Variants in UGGT2 observed in about 807,000 individuals in gnomAD.
The protein encoded by UGGT2 is UDP-glucose glycoprotein glucosyltransferase 2.
In UGGT2, 180 loss-of-function variants were observed where a neutral mutation model predicts 192.1. The ratio of observed to expected loss-of-function variants is 0.94; its 90% confidence interval spans 0.83 to 1.06. UGGT2 has a LOEUF of 1.06. Among genes scored for constraint, UGGT2 ranks in the 50% least tolerant of loss-of-function variants. UGGT2 has a pLI of 0.00. For missense variants in UGGT2, 1,849 were observed against 1,795.7 expected, an observed-to-expected ratio of 1.03 and a Z score of -0.54; for synonymous variants, 580 against 591.0, an observed-to-expected ratio of 0.98 and a Z score of 0.27.
chr13:95,875,465 T>G (rs953843013), intron 29 of UGGT2, among the ~76,000 whole-genome samples: 1 of 152,216 alleles, frequency 6.6e-6, no homozygotes, highest in African/African-American at 2.4e-5. Context: ...AAATGATGTT[T>G]AATAAAGGGC....
intron 29 of UGGT2, chr13:95,877,077 T>G: frequency 2.4e-6 from 1 of 421,478 alleles, no homozygotes; most frequent in Non-Finnish European, 4.2e-6. Context: ...ACAGATGGGG[T>G]TTTGCCATGT....
chr13:95,835,939 CTT>C (rs1340527148), intron 37 of UGGT2, among the ~76,000 whole-genome samples: 9 of 152,226 alleles, frequency 5.9e-5, no homozygotes, highest in Admixed American at 5.2e-4. Flanking sequence ...ACAAAATTGT[CTT>C]GTTTGCCTTT....
intron 36 of UGGT2, among the ~76,000 whole-genome samples, chr13:95,841,056 T>A (rs1217722534): frequency 6.6e-6 from 1 of 151,716 alleles, no homozygotes; most frequent in Non-Finnish European, 1.5e-5. Context: ...ATTGGAGGGC[T>A]GGGGGAAGCG....
chr13:95,980,494 G>A (rs1309435740), intron 10 of UGGT2, among the ~76,000 whole-genome samples: 1 of 151,956 alleles, frequency 6.6e-6, no homozygotes, highest in Non-Finnish European at 1.5e-5. Flanking sequence ...CTACACATTG[G>A]GTACCAGGTA....
At chr13:95,913,282 A>G (rs570476302) in intron 20 of UGGT2, among the ~76,000 whole-genome samples, 2 of 152,388 alleles carry the variant, frequency 1.3e-5, no homozygotes, top group South Asian at 2.1e-4. Context: ...AAAAGAAACT[A>G]TCATCAGAGT....
intron 20 of UGGT2, among the ~76,000 whole-genome samples, chr13:95,911,137 A>G (rs1406098511): frequency 6.6e-6 from 1 of 152,242 alleles, no homozygotes; most frequent in Admixed American, 6.5e-5. Flanking sequence ...AGAAAGCAGG[A>G]AAGATCTAAA....
intron 1 of UGGT2, among the ~76,000 whole-genome samples, chr13:96,046,871 C>T (rs1255335552): frequency 6.6e-6 from 1 of 152,182 alleles, no homozygotes; most frequent in Non-Finnish European, 1.5e-5. Flanking sequence ...TCCCTCATTG[C>T]TAGCACAGCA....
Position 96,053,208 on chromosome 13 carries a change from C to T in UGGT2, c.105G>A (p.Val35=), listed in dbSNP as rs1349316278. The part of the protein sequence containing the change: ...GSGTVAASKS[V]TAHLAAKWPE... ...GCCACTTCGCGGCCAAGTGGGCAGT[C>T]ACCGACTTGGACGCGGCGACCGTCC... Residue 35 remains valine (V), a synonymous_variant, in exon 1 of 39, where the codon GTG becomes GTA. Transcript: ENST00000376747. 2 of 1,533,496 alleles carry T rather than the reference C, an allele frequency of 1.3e-6. No homozygotes were observed. The highest frequency in any genetic ancestry group is 2.5e-5 in the East Asian group (1 of 40,232). 95.0% of individuals were successfully genotyped at this position (1,533,496 alleles called of 1,614,324 possible).
At chr13:95,902,700 A>G (rs963524360) in intron 21 of UGGT2, among the ~76,000 whole-genome samples, 154 bp downstream of exon 21, 12 of 152,146 alleles carry the variant, frequency 7.9e-5, no homozygotes, top group African/African-American at 2.9e-4. Flanking sequence ...GAGTCATATC[A>G]TTTAATGTTT....
chr13:95,927,466 CTTTCTTTTT>C (rs1450296126), intron 17 of UGGT2, 130 bp from the exon 18 acceptor site: 71 of 590,586 alleles, frequency 1.2e-4, no homozygotes, highest in Middle Eastern at 1.0e-3. Flanking sequence ...AATACATTTT[CTTTCTTTTT>C]TTTTTTTTTT....
chr13:96,013,482 C>A lies in UGGT2; in HGVS notation c.486-1G>T. 1.3e-6 allele frequency: 2 copies of A among 1,507,346 alleles called. No homozygotes were observed. The highest frequency in any genetic ancestry group is 2.4e-5 in the Admixed American group (1 of 41,556). The allele number at this position is 1,507,346 out of a possible 1,614,324, so 93.4% of individuals were successfully genotyped here. A position where few individuals can be genotyped will look rare whatever the true frequency, so the allele number is the denominator to read the frequency against. On this transcript the variant is annotated splice_acceptor_variant, in intron 4 of 38. Coordinates refer to ENST00000376747, the MANE Select transcript of UGGT2 (RefSeq NM_020121.4). LOFTEE classifies it high-confidence loss of function. ...TCCTTTAAATAGATAAGGTCTAGTC[C>A]TAAGATAAAAGCAAAACACAAAGTT...
chr13:95,832,085 G>A (rs960985582), intron 38 of UGGT2, among the ~76,000 whole-genome samples: 4 of 146,878 alleles, frequency 2.7e-5, no homozygotes, highest in Non-Finnish European at 4.5e-5. Flanking sequence ...ACAATTTCAC[G>A]TTTATATGAG....
intron 30 of UGGT2, among the ~76,000 whole-genome samples, chr13:95,866,988 T>C (rs1019600355): frequency 5.3e-5 from 8 of 152,086 alleles, no homozygotes; most frequent in Non-Finnish European, 2.9e-5. Context: ...AAACTCCCTT[T>C]CTCTCCCAAT....
At chr13:95,848,674 A>G (rs975002386) in intron 36 of UGGT2, among the ~76,000 whole-genome samples, 1 of 152,166 alleles carries the variant, frequency 6.6e-6, no homozygotes, top group Non-Finnish European at 1.5e-5. Context: ...TGTCTTGATT[A>G]CTATAGCTTT....
At chr13:96,021,163 C>T (rs1192567583) in intron 4 of UGGT2, among the ~76,000 whole-genome samples, 2 of 152,194 alleles carry the variant, frequency 1.3e-5, no homozygotes, top group African/African-American at 2.4e-5. Context: ...TTGCTCACTG[C>T]AAACACAACC....
Position 95,900,868 on chromosome 13 carries a change from A to G in UGGT2, c.2573T>C (p.Leu858Ser). The change falls in exon 22 of 39, where the codon TTG (leucine) becomes TCG (serine). Residue 858 changes from leucine to serine, a missense_variant. Leu to Ser is a moderately radical substitution (Grantham distance 145). Transcript: ENST00000376747. ...TAATTTAAGTACATCTTGACAGAACAACTGGTGAGTTCGAAAAATATTCAC... is the reference window on the plus strand; with the variant it reads ...TAATTTAAGTACATCTTGACAGAACGACTGGTGAGTTCGAAAAATATTCAC... ...VGVNIFRTHQLFCQDVLKLRP... is the reference protein window; with the variant it reads ...VGVNIFRTHQSFCQDVLKLRP... The G allele has an allele frequency of 6.2e-7, 1 of 1,611,764 alleles. No individual in the cohort carries two copies.
At chr13:95,936,744 A>C (rs546177655) in intron 17 of UGGT2, among the ~76,000 whole-genome samples, 180 bp downstream of exon 17, 29 of 152,362 alleles carry the variant, frequency 1.9e-4, no homozygotes, top group African/African-American at 6.3e-4. Context: ...ACTGCACCAC[A>C]GTCTCTGCAC....
At chr13:95,915,826 C>A (rs923510721) in intron 20 of UGGT2, among the ~76,000 whole-genome samples, 1 of 152,222 alleles carries the variant, frequency 6.6e-6, no homozygotes, top group Non-Finnish European at 1.5e-5. Flanking sequence ...ATCCATTCCT[C>A]CTCACTGGGG....
At chr13:95,902,571 C>T (rs762180420) in intron 21 of UGGT2, among the ~76,000 whole-genome samples, 3 of 151,290 alleles carry the variant, frequency 2.0e-5, no homozygotes, top group Admixed American at 6.6e-5. Context: ...ATTTACGTAA[C>T]GCTTTAACCC....
Sources: gnomAD v4.1 joint callset for allele counts (sites outside exome capture counted in the v4.1 genomes callset) on GRCh38, gnomAD v4.1.1 for gene constraint, MANE v1.5 for transcripts, NCBI Gene and HGNC (gene_info 2026-07-23, HGNC 2026-07-21) for gene names.